Variants in PTGR2 observed in about 807,000 individuals in gnomAD.
The protein encoded by PTGR2 is prostaglandin reductase 2, also known as 15-oxoprostaglandin 13-reductase.
A neutral mutation model predicts 43.4 loss-of-function variants in PTGR2; 32 were observed. The observed-to-expected ratio is 0.74, with a 90% CI of 0.56 to 0.99. PTGR2 has a LOEUF of 0.99. Among genes scored for constraint, PTGR2 ranks in the 50% least tolerant of loss-of-function variants. The pLI is 0.00. For missense variants in PTGR2, 373 were observed against 420.0 expected, an observed-to-expected ratio of 0.89 and a Z score of 0.98; for synonymous variants, 106 against 139.2, an observed-to-expected ratio of 0.76 and a Z score of 1.68.
chr14:73,876,115 G>A (rs745759924), intron 4 of PTGR2, among the ~76,000 whole-genome samples: 22 of 151,790 alleles, frequency 1.4e-4, no homozygotes, highest in African/African-American at 2.4e-4. Flanking sequence ...CACCGCACCC[G>A]GCCTTAAAGT....
intron 3 of PTGR2, among the ~76,000 whole-genome samples, chr14:73,863,881 G>A (rs1365414842): frequency 3.9e-5 from 6 of 152,126 alleles, no homozygotes; most frequent in African/African-American, 7.2e-5. Flanking sequence ...CTCTCAAAGT[G>A]CTAGGATTAC....
chr14:73,863,870 C>A (rs1050020362), intron 3 of PTGR2, among the ~76,000 whole-genome samples: 1 of 152,126 alleles, frequency 6.6e-6, no homozygotes, highest in African/African-American at 2.4e-5. Flanking sequence ...CCCGCATCAG[C>A]CTCTCAAAGT....
At chr14:73,863,894 G>A (rs889914642) in intron 3 of PTGR2, among the ~76,000 whole-genome samples, 12 of 152,076 alleles carry the variant, frequency 7.9e-5, no homozygotes, top group Non-Finnish European at 1.8e-4. Context: ...AGGATTACAG[G>A]TGTGAGCCAT....
intron 6 of PTGR2, chr14:73,879,716 T>G: frequency 3.2e-6 from 1 of 316,806 alleles, no homozygotes; most frequent in Non-Finnish European, 6.0e-6. Context: ...CATGAGGTAT[T>G]AACACTACAT....
At chr14:73,872,003 A>T (rs767585021) in intron 3 of PTGR2, among the ~76,000 whole-genome samples, 66 of 152,072 alleles carry the variant, frequency 4.3e-4, no homozygotes, top group Non-Finnish European at 1.8e-4. Flanking sequence ...TACCCGTTTT[A>T]CCTGGGTACA....
chr14:73,877,138 C>T lies in PTGR2; in HGVS notation c.489C>T (p.Ala163=), dbSNP rs368056223. The change falls in exon 5 of 10, where the codon GCC becomes GCT. Residue 163 remains alanine, a synonymous_variant. Coordinates refer to ENST00000555661, the MANE Select transcript of PTGR2 (RefSeq NM_001146154.2). ...GSNKTMVVSG[A]AGACGSVAGQ... ...ATAAGACAATGGTTGTCAGTGGGGCCGCAGGTGCCTGTGGATCTGTGGCTG... is the reference window on the plus strand; with the variant it reads ...ATAAGACAATGGTTGTCAGTGGGGCTGCAGGTGCCTGTGGATCTGTGGCTG... The T allele has an allele frequency of 1.7e-5, 27 of 1,613,494 alleles. No homozygotes were observed. Among genetic ancestry groups the T allele is most frequent in the Middle Eastern group, 1.6e-4 (1 of 6,084 alleles).
At chr14:73,868,147 G>C (rs1440867713) in intron 3 of PTGR2, among the ~76,000 whole-genome samples, 1 of 152,176 alleles carries the variant, frequency 6.6e-6, no homozygotes, top group Non-Finnish European at 1.5e-5. Context: ...AAATTAGCCA[G>C]GCGTGGTGGC....
chr14:73,884,081 C>A lies in PTGR2; in HGVS notation c.980-20C>A. On this transcript the variant is annotated intron_variant, in intron 9 of 9. Coordinates refer to ENST00000555661, the MANE Select transcript of PTGR2 (RefSeq NM_001146154.2). Reference sequence around the variant, plus strand: ...TAGTGACATTTATCTTTTCAGATAACCTACTTTCTCTTTTTCCAGCTGCAT... The same window carrying A: ...TAGTGACATTTATCTTTTCAGATAAACTACTTTCTCTTTTTCCAGCTGCAT... The A allele has an allele frequency of 4.0e-6, 6 of 1,513,338 alleles. No individual in the cohort carries two copies. The highest frequency in any genetic ancestry group is 5.5e-6 in the Non-Finnish European group (6 of 1,095,644). 93.7% of individuals were successfully genotyped at this position (1,513,338 alleles called of 1,614,324 possible). A position where few individuals can be genotyped will look rare whatever the true frequency, so the allele number is the denominator to read the frequency against.
Position 73,881,296 on chromosome 14 carries a change from G to C in PTGR2, c.939+4G>C, listed in dbSNP as rs950015283. On this transcript the variant is annotated splice_donor_region_variant and intron_variant, in intron 8 of 9. Coordinates refer to ENST00000555661, the MANE Select transcript of PTGR2 (RefSeq NM_001146154.2). ...GTTTAAAGAAGGAAAGCTAAAGGTA[G>C]AACTTCTATTCTTTATCAATATAAT... 1 of 1,542,092 alleles carries C rather than the reference G, an allele frequency of 6.5e-7. No individual in the cohort carries two copies. Among genetic ancestry groups the C allele is most frequent in the Non-Finnish European group, 9.0e-7 (1 of 1,115,264 alleles).
chr14:73,885,152 G>C lies in PTGR2; in HGVS notation c.*975G>C, dbSNP rs2055097511. 6.6e-6 allele frequency: 1 copy of C among 152,420 alleles called. No individual in the cohort carries two copies. The highest frequency in any genetic ancestry group is 1.5e-5 in the Non-Finnish European group (1 of 68,122). The allele number at this position is 152,420 out of a possible 1,614,324, so 9.4% of individuals were successfully genotyped here. A position where few individuals can be genotyped will look rare whatever the true frequency, so the allele number is the denominator to read the frequency against. On this transcript the variant is annotated 3_prime_UTR_variant, in exon 10 of 10. Coordinates refer to ENST00000555661, the MANE Select transcript of PTGR2 (RefSeq NM_001146154.2). Reference sequence around the variant, plus strand: ...AAAAATACAAAAATTAGCTGGGCGTGGTGGCACACGCCTGTAATCCCAGCT... The same window carrying C: ...AAAAATACAAAAATTAGCTGGGCGTCGTGGCACACGCCTGTAATCCCAGCT...
intron 1 of PTGR2, among the ~76,000 whole-genome samples, chr14:73,857,731 C>T (rs1453234320): frequency 4.2e-5 from 5 of 119,914 alleles, no homozygotes; most frequent in Non-Finnish European, 6.4e-5. Flanking sequence ...TGCAGTGGTG[C>T]GATCTCGGCT....
intron 9 of PTGR2, among the ~76,000 whole-genome samples, chr14:73,882,719 A>C (rs1002996106): frequency 1.4e-5 from 2 of 141,806 alleles, no homozygotes; most frequent in African/African-American, 5.2e-5. Context: ...CCAGGATGGT[A>C]TCGATCTCCT....
chr14:73,884,084 A>G lies in PTGR2; in HGVS notation c.980-17A>G, dbSNP rs564592231. The G allele has an allele frequency of 2.4e-5, 37 of 1,537,328 alleles. No individual in the cohort carries two copies. The highest frequency in any genetic ancestry group is 2.2e-4 in the South Asian group (19 of 87,176). ...TGACATTTATCTTTTCAGATAACCT[A>G]CTTTCTCTTTTTCCAGCTGCATTCC... On this transcript the variant is annotated splice_polypyrimidine_tract_variant and intron_variant, in intron 9 of 9. Transcript: ENST00000555661.
rs2054229211 is a variant in PTGR2, at chr14:73,851,843, A to G, written c.-148A>G. The G allele has an allele frequency of 6.6e-6, 1 of 152,318 alleles. No homozygotes were observed. Among genetic ancestry groups the G allele is most frequent in the African/African-American group, 2.4e-5 (1 of 41,458 alleles). 9.4% of individuals were successfully genotyped at this position (152,318 alleles called of 1,614,324 possible). A position where few individuals can be genotyped will look rare whatever the true frequency, so the allele number is the denominator to read the frequency against. ...GCCGGGCCTAGTCGCGCGCCTGCGT[A>G]CTGCGGTCAGAGGGCCGAGGCCTGG... On this transcript the variant is annotated 5_prime_UTR_variant, in exon 1 of 10. Coordinates refer to ENST00000555661, the MANE Select transcript of PTGR2 (RefSeq NM_001146154.2).
intron 9 of PTGR2, among the ~76,000 whole-genome samples, chr14:73,883,611 G>A (rs1363901644): frequency 5.9e-5 from 9 of 151,716 alleles, no homozygotes; most frequent in Non-Finnish European, 1.0e-4. Flanking sequence ...TTAGCCCCCC[G>A]AGTAGCTGGG....
At chr14:73,883,489 C>T (rs1273585087) in intron 9 of PTGR2, among the ~76,000 whole-genome samples, 1 of 150,906 alleles carries the variant, frequency 6.6e-6, no homozygotes, top group Non-Finnish European at 1.5e-5. Context: ...GTGCCTAGCC[C>T]TTTTTTTAAT....
At chr14:73,882,055 T>G (rs111469073) in intron 8 of PTGR2, among the ~76,000 whole-genome samples, 392 of 152,048 alleles carry the variant, frequency 2.6e-3, no homozygotes, top group Non-Finnish European at 4.5e-3. Context: ...GTGCTGGGAT[T>G]ACAGTTGTGA....
rs1197792419 is a variant in PTGR2, at chr14:73,851,895, C to T, written c.-96C>T. The T allele has an allele frequency of 1.3e-5, 2 of 152,260 alleles. No homozygotes were observed. The highest frequency in any genetic ancestry group is 1.9e-4 in the East Asian group (1 of 5,172). 9.4% of individuals were successfully genotyped at this position (152,260 alleles called of 1,614,324 possible). A position where few individuals can be genotyped will look rare whatever the true frequency, so the allele number is the denominator to read the frequency against. Reference sequence around the variant, plus strand: ...GGCGAGCTGGGGTCGTGCAGTACAGCCTCTTTCCGGCAAATCACGCGAGAT... The same window carrying T: ...GGCGAGCTGGGGTCGTGCAGTACAGTCTCTTTCCGGCAAATCACGCGAGAT... On this transcript the variant is annotated 5_prime_UTR_variant, in exon 1 of 10. Transcript: ENST00000555661.
At chr14:73,868,630 G>A (rs993805254) in intron 3 of PTGR2, among the ~76,000 whole-genome samples, 1 of 151,828 alleles carries the variant, frequency 6.6e-6, no homozygotes, top group African/African-American at 2.4e-5. Context: ...ACACTCCCCT[G>A]CCTTAAATCA....
Sources: gnomAD v4.1 joint callset for allele counts (sites outside exome capture counted in the v4.1 genomes callset) on GRCh38, gnomAD v4.1.1 for gene constraint, MANE v1.5 for transcripts, NCBI Gene and HGNC (gene_info 2026-07-23, HGNC 2026-07-21) for gene names.